PTPRT: variants seen among roughly 807,000 people sequenced by gnomAD.
The protein encoded by PTPRT is protein tyrosine phosphatase receptor type T.
Under a neutral mutation model 176.8 loss-of-function variants are expected in PTPRT, and 56 were observed. That is an observed-to-expected ratio of 0.32 (90% CI 0.26 to 0.40). The LOEUF (loss-of-function observed/expected upper bound fraction) is 0.40. PTPRT is among the 10% of genes least tolerant of loss of function. The probability of loss-of-function intolerance (pLI) is 1.00; values close to 1 mark genes in which losing one functional copy is unlikely to be tolerated. For synonymous variants in PTPRT, 783 were observed against 739.0 expected, an observed-to-expected ratio of 1.06 and a Z score of -0.96; for missense variants, 1,540 against 1,908.2, an observed-to-expected ratio of 0.81 and a Z score of 3.60.
At chr20:42,751,326 G>A (rs143713452) in intron 6 of PTPRT, among the ~76,000 whole-genome samples, 99 of 152,258 alleles carry the variant, frequency 6.5e-4, no homozygotes, top group African/African-American at 2.3e-3. Context: ...TAACTAGATG[G>A]CTGAGCACAA....
chr20:42,541,831 T>A (rs933829116), intron 7 of PTPRT, among the ~76,000 whole-genome samples: 2 of 146,736 alleles, frequency 1.4e-5, no homozygotes, highest in Non-Finnish European at 2.9e-5. Context: ...TAAAAAATTT[T>A]AAATTTAAAA....
chr20:42,262,855 G>A (rs2056772937), intron 13 of PTPRT, among the ~76,000 whole-genome samples: 1 of 152,206 alleles, frequency 6.6e-6, no homozygotes, highest in East Asian at 1.9e-4. Context: ...GGCGGGGGAG[G>A]GGGTTGCAGT....
chr20:42,734,919 C>T (rs1439131224), intron 6 of PTPRT, among the ~76,000 whole-genome samples: 1 of 152,162 alleles, frequency 6.6e-6, no homozygotes, highest in African/African-American at 2.4e-5. Context: ...CAAACCAAGC[C>T]ACATGGCCAA....
intron 6 of PTPRT, among the ~76,000 whole-genome samples, chr20:42,689,987 A>T (rs1392167292): frequency 6.6e-6 from 1 of 152,160 alleles, no homozygotes; most frequent in South Asian, 2.1e-4. Flanking sequence ...AAAAACTAAT[A>T]CAAGGAGAGA....
intron 14 of PTPRT, among the ~76,000 whole-genome samples, chr20:42,241,335 A>C (rs1463350725): frequency 1.3e-5 from 2 of 152,044 alleles, no homozygotes; most frequent in Non-Finnish European, 2.9e-5. Context: ...AGGTAGATGG[A>C]ACTGTGTTTG....
At chr20:42,487,849 G>C (rs967826628) in intron 7 of PTPRT, among the ~76,000 whole-genome samples, 1 of 152,142 alleles carries the variant, frequency 6.6e-6, no homozygotes, top group Non-Finnish European at 1.5e-5. Flanking sequence ...AGATTGCTCT[G>C]CTTATTTCTG....
chr20:42,612,817 T>G (rs1333580373), intron 7 of PTPRT, among the ~76,000 whole-genome samples: 1 of 151,096 alleles, frequency 6.6e-6, no homozygotes, highest in African/African-American at 2.4e-5. Context: ...ATCGATTAAA[T>G]AAATTATGAT....
intron 2 of PTPRT, among the ~76,000 whole-genome samples, chr20:42,854,134 T>G (rs208267): frequency 0.035 from 5,335 of 152,284 alleles, 272 homozygotes; most frequent in African/African-American, 0.11. Context: ...CCCAGAGTGT[T>G]TCTGTCTGGA....
intron 1 of PTPRT, among the ~76,000 whole-genome samples, chr20:42,954,414 A>T (rs73907429): frequency 6.6e-6 from 1 of 152,048 alleles, no homozygotes. Context: ...CCCCTGGTCC[A>T]GGAGGACAGC....
chr20:42,411,274 A>T (rs2059013500), intron 9 of PTPRT, among the ~76,000 whole-genome samples: 2 of 151,882 alleles, frequency 1.3e-5, no homozygotes, highest in Non-Finnish European at 2.9e-5. Context: ...GTGAAACCCC[A>T]TCTCTACTGA....
intron 1 of PTPRT, among the ~76,000 whole-genome samples, chr20:42,910,832 A>G (rs2079534705): frequency 6.6e-6 from 1 of 152,200 alleles, no homozygotes; most frequent in African/African-American, 2.4e-5. Flanking sequence ...GGTAATTTAT[A>G]AAGGACAGAG....
chr20:42,290,087 C>A (rs2057294344), intron 12 of PTPRT, among the ~76,000 whole-genome samples: 1 of 151,904 alleles, frequency 6.6e-6, no homozygotes, highest in Non-Finnish European at 1.5e-5. Flanking sequence ...GAGGTGTGGC[C>A]AGTGTGCCTA....
intron 7 of PTPRT, among the ~76,000 whole-genome samples, chr20:42,498,387 G>A (rs1422487668): frequency 1.3e-5 from 2 of 152,058 alleles, no homozygotes; most frequent in African/African-American, 2.4e-5. Context: ...CATTAAAATA[G>A]AGATCTTAAG....
Position 42,081,679 on chromosome 20 carries a change from T to C in PTPRT, c.4272+203A>G, listed in dbSNP as rs982233674. On this transcript the variant is annotated intron_variant, in intron 30 of 30. Coordinates refer to ENST00000373187, the MANE Select transcript of PTPRT (RefSeq NM_007050.6). Reference sequence around the variant, plus strand: ...AAAGTAGGTGTACCAGGATTAGTAATTGGATTTTCCTGCAAGAAAGAAAAG... The same window carrying C: ...AAAGTAGGTGTACCAGGATTAGTAACTGGATTTTCCTGCAAGAAAGAAAAG... Among the ~76,000 whole-genome samples, 5 of 152,186 alleles carry C rather than the reference T, an allele frequency of 3.3e-5. No homozygotes were observed. The East Asian group carries it at 5.8e-4, about 18-fold the overall frequency.
chr20:43,001,074 T>C lies in PTPRT; in HGVS notation c.89-115142A>G, dbSNP rs1984529910. 2.6e-5 allele frequency among the ~76,000 whole-genome samples: 4 copies of C among 152,170 alleles called. No individual in the cohort carries two copies. In the South Asian group the frequency reaches 8.3e-4, roughly 32 times the overall value. On this transcript the variant is annotated intron_variant, in intron 1 of 30. Transcript: ENST00000373187. ...ATTATTCTTCACCCAGCCAACCAGT[T>C]ATTCATATAAAGGGTGAAAAAGGAG...
chr20:43,090,713 AGAGC>A (rs1369083267), intron 1 of PTPRT, among the ~76,000 whole-genome samples: 1 of 152,216 alleles, frequency 6.6e-6, no homozygotes, highest in Middle Eastern at 3.2e-3. Context: ...CCTAGAATAT[AGAGC>A]GAGGAGAAAT....
At chr20:42,976,171 C>A (rs939669889) in intron 1 of PTPRT, among the ~76,000 whole-genome samples, 1 of 152,136 alleles carries the variant, frequency 6.6e-6, no homozygotes, top group African/African-American at 2.4e-5. Context: ...TTGCATTATA[C>A]CATATGGCAG....
chr20:42,470,360 G>A (rs2071171790), intron 8 of PTPRT, among the ~76,000 whole-genome samples: 1 of 152,136 alleles, frequency 6.6e-6, no homozygotes, highest in Admixed American at 6.5e-5. Context: ...GAAGGCTCAG[G>A]TTGCAGCCAG....
At chr20:42,583,548 C>T (rs2073416254) in intron 7 of PTPRT, among the ~76,000 whole-genome samples, 1 of 152,118 alleles carries the variant, frequency 6.6e-6, no homozygotes, top group Non-Finnish European at 1.5e-5. Context: ...CCAGTGCCTA[C>T]AGCTTTTAAA....
Sources: gnomAD v4.1 joint callset for allele counts (sites outside exome capture counted in the v4.1 genomes callset) on GRCh38, gnomAD v4.1.1 for gene constraint, MANE v1.5 for transcripts, NCBI Gene and HGNC (gene_info 2026-07-23, HGNC 2026-07-21) for gene names.